The following SLC26A8 variants were observed in gnomAD, a reference collection of about 807,000 sequenced individuals.
SLC26A8 encodes the protein testis anion transporter 1.
A neutral mutation model predicts 105.0 loss-of-function variants in SLC26A8; 70 were observed. The ratio of observed to expected loss-of-function variants is 0.67; its 90% CI spans 0.55 to 0.81. The LOEUF is 0.81. Among genes scored for constraint, SLC26A8 ranks in the 40% least tolerant of loss-of-function variants. The pLI, the probability that SLC26A8 is intolerant of heterozygous loss-of-function variation, is 0.00. For synonymous variants in SLC26A8, 415 were observed against 438.3 expected, an observed-to-expected ratio of 0.95 and a Z score of 0.66; for missense variants, 998 against 1,181.8, an observed-to-expected ratio of 0.84 and a Z score of 2.28.
intron 19 of SLC26A8, among the ~76,000 whole-genome samples, chr6:35,950,359 A>G (rs1015559119): frequency 1.3e-5 from 2 of 150,024 alleles, no homozygotes; most frequent in African/African-American, 4.9e-5. Context: ...GCGTGATCTC[A>G]GCTCACTGCA....
At chr6:35,962,385 T>G (rs1772342204) in intron 12 of SLC26A8, 141 bp downstream of exon 12, 2 of 678,328 alleles carry the variant, frequency 2.9e-6, no homozygotes, top group Admixed American at 5.7e-5. Context: ...ACTCTCCTTT[T>G]TAAAGCAAAA....
intron 3 of SLC26A8, among the ~76,000 whole-genome samples, chr6:36,009,540 T>C (rs564909968): frequency 1.3e-5 from 2 of 152,294 alleles, no homozygotes; most frequent in East Asian, 1.9e-4. Context: ...AATTCATATA[T>C]ACAACAATCT....
chr6:35,991,527 C>T, intron 7 of SLC26A8, 132 bp downstream of exon 7: 1 of 584,426 alleles, frequency 1.7e-6, no homozygotes, highest in Non-Finnish European at 2.6e-6. Context: ...AAAAAGAAAA[C>T]AAGCATGTTT....
At chr6:36,016,144 C>T (rs1216237975) in intron 2 of SLC26A8, among the ~76,000 whole-genome samples, 1 of 152,062 alleles carries the variant, frequency 6.6e-6, no homozygotes, top group East Asian at 1.9e-4. Flanking sequence ...CAGCTGTGCG[C>T]CACCAAGCCC....
At chr6:35,990,294 GC>G in intron 7 of SLC26A8, 1 of 284,614 alleles carries the variant, frequency 3.5e-6, no homozygotes, top group South Asian at 3.7e-5. Flanking sequence ...CATTTTTGAG[GC>G]CATTTCTTTC....
At chr6:35,989,908 TGTTTGTTTG>T (rs1773685936) in intron 7 of SLC26A8, 1 of 147,284 alleles carries the variant, frequency 6.8e-6, no homozygotes, top group African/African-American at 2.5e-5. Flanking sequence ...TTTTTTTGTT[TGTTTGTTTG>T]TTTTCTTTTC....
At chr6:35,979,095 G>A (rs977271199) in intron 8 of SLC26A8, among the ~76,000 whole-genome samples, 14 of 142,364 alleles carry the variant, frequency 9.8e-5, no homozygotes, top group Non-Finnish European at 1.3e-4. Flanking sequence ...CAAGCGATTC[G>A]CCTGCCTCAG....
chr6:35,987,998 G>A (rs1027026187), intron 7 of SLC26A8, among the ~76,000 whole-genome samples: 6 of 146,350 alleles, frequency 4.1e-5, no homozygotes, highest in East Asian at 2.1e-4. Context: ...TGCGACCTCC[G>A]CCTCCCGGGT....
chr6:36,004,009 C>T (rs1451469808), intron 3 of SLC26A8, among the ~76,000 whole-genome samples: 3 of 150,980 alleles, frequency 2.0e-5, no homozygotes, highest in African/African-American at 7.3e-5. Flanking sequence ...CTACACAATA[C>T]AGTTTAATTT....
chr6:35,973,435 T>C (rs1403714236), intron 10 of SLC26A8, among the ~76,000 whole-genome samples: 1 of 152,250 alleles, frequency 6.6e-6, no homozygotes, highest in Non-Finnish European at 1.5e-5. Flanking sequence ...AGTCTTATTC[T>C]AGACCAAACT....
chr6:35,969,601 A>G (rs1772705362), intron 10 of SLC26A8: 1 of 152,050 alleles, frequency 6.6e-6, no homozygotes, highest in South Asian at 2.1e-4. Flanking sequence ...CATCTCAAAA[A>G]AAAAATAAAT....
chr6:35,955,234 A>G lies in SLC26A8; in HGVS notation c.2150T>C (p.Leu717Pro). 1 of 1,614,184 alleles carries G rather than the reference A, an allele frequency of 6.2e-7. No homozygotes were observed. Among genetic ancestry groups the G allele is most frequent in the Non-Finnish European group, 8.5e-7 (1 of 1,180,022 alleles). ...GATGATGGTGTGGACACTGGGCAGT[A>G]GAGACGCATCTGAGTAAGGGATGAG... is the stretch of plus-strand genomic sequence containing the variant. ...RSLIPYSDAS[L>P]LPSVHTIILD... Residue 717 changes from leucine (L) to proline (P), a missense_variant, in exon 17 of 20, where the codon CTA becomes CCA. Coordinates refer to ENST00000490799, the MANE Select transcript of SLC26A8 (RefSeq NM_052961.4).
At chr6:35,963,571 A>G (rs982452625) in intron 11 of SLC26A8, among the ~76,000 whole-genome samples, 2 of 152,158 alleles carry the variant, frequency 1.3e-5, no homozygotes, top group Admixed American at 1.3e-4. Flanking sequence ...CCAACCCACA[A>G]GTCGACCACT....
intron 19 of SLC26A8, among the ~76,000 whole-genome samples, chr6:35,948,181 T>C (rs1771740399): frequency 1.3e-5 from 2 of 152,222 alleles, no homozygotes; most frequent in Non-Finnish European, 2.9e-5. Flanking sequence ...GATTCAAAAG[T>C]TGGTTTGGAA....
At chr6:35,946,302 T>A (rs1203229733) in intron 19 of SLC26A8, among the ~76,000 whole-genome samples, 1 of 152,202 alleles carries the variant, frequency 6.6e-6, no homozygotes, top group Non-Finnish European at 1.5e-5. Context: ...AGTGGCATGA[T>A]CTTGGCTCAC....
chr6:35,984,864 G>A (rs764053637), intron 7 of SLC26A8, among the ~76,000 whole-genome samples: 24 of 152,192 alleles, frequency 1.6e-4, no homozygotes, highest in African/African-American at 3.1e-4. Flanking sequence ...CATGATTGAA[G>A]CAGGGGTCAG....
intron 3 of SLC26A8, among the ~76,000 whole-genome samples, chr6:36,007,354 T>C (rs1453963866): frequency 1.3e-5 from 2 of 152,142 alleles, no homozygotes; most frequent in African/African-American, 2.4e-5. Flanking sequence ...TGAACCATCA[T>C]TTAAACCCCT....
Position 35,943,727 on chromosome 6 carries a change from T to C in SLC26A8, c.*173A>G. On this transcript the variant is annotated 3_prime_UTR_variant, in exon 20 of 20. Transcript: ENST00000490799. ...AATTGTTGGCATTTAGTAATGTGATTTGGGAGTATGATCCCAGCGCAGAGC... is the reference window on the plus strand; with the variant it reads ...AATTGTTGGCATTTAGTAATGTGATCTGGGAGTATGATCCCAGCGCAGAGC... 1.1e-6 allele frequency: 1 copy of C among 882,224 alleles called. No individual in the cohort carries two copies. Among genetic ancestry groups the C allele is most frequent in the Non-Finnish European group, 1.7e-6 (1 of 600,002 alleles). The allele number at this position is 882,224 out of a possible 1,614,324, so 54.6% of individuals were successfully genotyped here. A position where few individuals can be genotyped will look rare whatever the true frequency, so the allele number is the denominator to read the frequency against.
In SLC26A8 at chr6:35,951,508, G is replaced by T. The variant is rs1487323277; in HGVS notation, c.2233-9C>A. On this transcript the variant is annotated splice_polypyrimidine_tract_variant and intron_variant, in intron 17 of 19. Transcript: ENST00000490799. The stretch of plus-strand genomic sequence containing the variant: ...TGAAAGGCATTGCATATCTGTGGGG[G>T]GAGAGAAAACCAGTATCAGAAGGCT... 6.2e-7 allele frequency: 1 copy of T among 1,614,068 alleles called. No homozygotes were observed. The highest frequency in any genetic ancestry group is 1.7e-5 in the Admixed American group (1 of 60,002).
Sources: allele counts gnomAD v4.1 joint callset (sites outside exome capture counted in the v4.1 genomes callset), GRCh38; gene constraint gnomAD v4.1.1; transcripts MANE v1.5; gene names NCBI Gene and HGNC (gene_info 2026-07-23, HGNC 2026-07-21).